TBCEL: variants seen among roughly 807,000 people sequenced by gnomAD.
TBCEL encodes tubulin-specific chaperone cofactor E-like protein.
In TBCEL, 15 loss-of-function variants were observed where a neutral mutation model predicts 44.2. The observed-to-expected ratio is 0.34, with a 90% confidence interval of 0.23 to 0.52. TBCEL has a LOEUF of 0.52. TBCEL is among the 20% of genes least tolerant of loss of function. The pLI is 0.95. For synonymous variants in TBCEL, 171 were observed against 185.4 expected, an observed-to-expected ratio of 0.92 and a Z score of 0.63; for missense variants, 319 against 506.3, an observed-to-expected ratio of 0.63 and a Z score of 3.55.
chr11:121,065,878 C>T (rs1205263559), intron 8 of TBCEL, among the ~76,000 whole-genome samples: 1 of 152,194 alleles, frequency 6.6e-6, no homozygotes, highest in African/African-American at 2.4e-5. Flanking sequence ...ATCCCTTCAA[C>T]ACTAATATGA....
intron 1 of TBCEL, among the ~76,000 whole-genome samples, chr11:121,026,612 A>G (rs1327594584): frequency 6.6e-6 from 1 of 152,242 alleles, no homozygotes; most frequent in Non-Finnish European, 1.5e-5. Context: ...ATGCTTTACG[A>G]AAACATTCTA....
chr11:121,054,359 G>A (rs1185326293), intron 5 of TBCEL, among the ~76,000 whole-genome samples: 4 of 151,658 alleles, frequency 2.6e-5, no homozygotes, highest in Non-Finnish European at 4.4e-5. Flanking sequence ...ATCTTATTCC[G>A]TCTTAATTTC....
chr11:121,049,168 T>G lies in TBCEL; in HGVS notation c.273+1501T>G, dbSNP rs558256449. 2.0e-5 allele frequency among the ~76,000 whole-genome samples: 3 copies of G among 152,040 alleles called. No homozygotes were observed. The South Asian group carries it at 6.2e-4, about 31-fold the overall frequency. On this transcript the variant is annotated intron_variant, in intron 4 of 8. Coordinates refer to ENST00000683345, the MANE Select transcript of TBCEL (RefSeq NM_001363644.2). ...GCGTTAATGATTAAATGATTATATC[T>G]TAAGGATTAATCAAGACCTCTTGTT... is the stretch of plus-strand genomic sequence containing the variant.
chr11:121,047,744 C>G, intron 4 of TBCEL, 77 bp downstream of exon 4: 2 of 1,525,346 alleles, frequency 1.3e-6, no homozygotes, highest in South Asian at 1.2e-5. Flanking sequence ...ATTATATGTT[C>G]TGCTAAATTC....
chr11:121,055,816 T>G (rs1202350149), intron 6 of TBCEL, among the ~76,000 whole-genome samples: 3 of 151,558 alleles, frequency 2.0e-5, no homozygotes, highest in Admixed American at 6.6e-5. Context: ...AGTTTAAGGT[T>G]TACATTAAAA....
At chr11:121,053,757 A>T in intron 5 of TBCEL, 25 bp downstream of exon 5, 1 of 1,608,594 alleles carries the variant, frequency 6.2e-7, no homozygotes, top group Non-Finnish European at 8.5e-7. Context: ...CATGAGGGCG[A>T]GGGAGTTATG....
At chr11:121,043,670 T>G (rs1945374035) in intron 2 of TBCEL, among the ~76,000 whole-genome samples, 1 of 152,108 alleles carries the variant, frequency 6.6e-6, no homozygotes, top group South Asian at 2.1e-4. Context: ...CTGGATTCCC[T>G]ACTCTCTTAT....
At chr11:121,067,642 G>A (rs577298996) in intron 8 of TBCEL, among the ~76,000 whole-genome samples, 81 of 152,258 alleles carry the variant, frequency 5.3e-4, no homozygotes, top group African/African-American at 1.9e-3. Context: ...TTTTAAAGCC[G>A]TCATCTGTGC....
intron 1 of TBCEL, among the ~76,000 whole-genome samples, chr11:121,030,382 A>G (rs899983184): frequency 6.6e-6 from 1 of 152,214 alleles, no homozygotes; most frequent in Non-Finnish European, 1.5e-5. Context: ...AGTGTAAAGG[A>G]CATGATTTGA....
At chr11:121,027,810 A>G (rs1945073457) in intron 1 of TBCEL, among the ~76,000 whole-genome samples, 1 of 152,164 alleles carries the variant, frequency 6.6e-6, no homozygotes, top group Admixed American at 6.5e-5. Flanking sequence ...CGTGGTGAAC[A>G]GGAGGCTCAA....
intron 8 of TBCEL, among the ~76,000 whole-genome samples, 153 bp downstream of exon 8, chr11:121,060,238 C>T (rs12225989): frequency 6.6e-6 from 1 of 151,840 alleles, no homozygotes; most frequent in African/African-American, 2.4e-5. Flanking sequence ...AAGAGCAAAC[C>T]TATTTTATCT....
intron 4 of TBCEL, among the ~76,000 whole-genome samples, chr11:121,050,262 C>T (rs1419309014): frequency 7.9e-5 from 12 of 151,628 alleles, no homozygotes; most frequent in Non-Finnish European, 1.8e-4. Context: ...TATCTGATTA[C>T]CAAAAAGATA....
chr11:121,026,436 T>C (rs1264969646), intron 1 of TBCEL, among the ~76,000 whole-genome samples: 1 of 152,236 alleles, frequency 6.6e-6, no homozygotes, highest in Non-Finnish European at 1.5e-5. Flanking sequence ...AAGGATGTTG[T>C]CTAATTTCAG....
At chr11:121,027,967 G>A (rs1438844739) in intron 1 of TBCEL, among the ~76,000 whole-genome samples, 2 of 152,108 alleles carry the variant, frequency 1.3e-5, no homozygotes, top group Non-Finnish European at 2.9e-5. Context: ...AGCACTTTGG[G>A]AGGCCGAGGT....
At chr11:121,064,340 C>G (rs946798735) in intron 8 of TBCEL, among the ~76,000 whole-genome samples, 3 of 152,174 alleles carry the variant, frequency 2.0e-5, no homozygotes, top group Admixed American at 2.0e-4. Flanking sequence ...GATAAGTAGT[C>G]ATCATCCAGT....
intron 8 of TBCEL, among the ~76,000 whole-genome samples, chr11:121,069,091 A>G (rs1945876740): frequency 6.6e-6 from 1 of 152,074 alleles, no homozygotes; most frequent in Admixed American, 6.6e-5. Flanking sequence ...TCTGTCTCCT[A>G]TAATTCTCTT....
intron 2 of TBCEL, among the ~76,000 whole-genome samples, chr11:121,042,907 C>T (rs1945359819): frequency 6.6e-6 from 1 of 152,112 alleles, no homozygotes; most frequent in Admixed American, 6.6e-5. Context: ...GTTTACCCAG[C>T]TAGGGAAAGA....
At chr11:121,028,210 T>A (rs578233856) in intron 1 of TBCEL, among the ~76,000 whole-genome samples, 36 of 143,306 alleles carry the variant, frequency 2.5e-4, no homozygotes, top group Middle Eastern at 3.5e-3. Context: ...TTTAAAAAAA[T>A]AAATAAATAA....
intron 8 of TBCEL, among the ~76,000 whole-genome samples, chr11:121,085,791 C>T (rs901086341): frequency 6.6e-6 from 1 of 152,078 alleles, no homozygotes; most frequent in Non-Finnish European, 1.5e-5. Context: ...TAGGTGTGAG[C>T]CACCACACCT....
Sources: allele counts gnomAD v4.1 joint callset (sites outside exome capture counted in the v4.1 genomes callset), GRCh38; gene constraint gnomAD v4.1.1; transcripts MANE v1.5; gene names NCBI Gene and HGNC (gene_info 2026-07-23, HGNC 2026-07-21).